The following NXPH1 variants were observed in gnomAD, a reference collection of about 807,000 sequenced individuals.
The protein encoded by NXPH1 is neurexophilin 1, also known as neurexophilin-1.
In NXPH1, 5 loss-of-function variants were observed where a neutral mutation model predicts 23.7. The observed-to-expected ratio is 0.21, with a 90% CI of 0.11 to 0.44. The LOEUF (loss-of-function observed/expected upper bound fraction) is 0.44. Among genes scored for constraint, NXPH1 ranks in the 20% least tolerant of loss-of-function variants. The pLI is 0.99. For missense variants in NXPH1, 324 were observed against 321.6 expected (o/e 1.01, Z -0.06); for synonymous variants, 144 against 122.2 (o/e 1.18, Z -1.18).
At chr7:8,533,279 G>A (rs1208130594) in intron 2 of NXPH1, among the ~76,000 whole-genome samples, 2 of 152,074 alleles carry the variant, frequency 1.3e-5, no homozygotes, top group African/African-American at 4.8e-5. Flanking sequence ...CAATACTGAA[G>A]TTGTCTTCCT....
intron 2 of NXPH1, among the ~76,000 whole-genome samples, chr7:8,583,166 G>A (rs1422336726): frequency 2.6e-5 from 4 of 152,202 alleles, no homozygotes; most frequent in Non-Finnish European, 5.9e-5. Context: ...GATATAATGA[G>A]GACTCCCATC....
At chr7:8,614,922 A>G (rs1819703024) in intron 2 of NXPH1, among the ~76,000 whole-genome samples, 1 of 152,106 alleles carries the variant, frequency 6.6e-6, no homozygotes, top group Admixed American at 6.6e-5. Context: ...TTGTTAATAT[A>G]TTAAACAAGC....
chr7:8,465,283 T>C (rs1816766876), intron 2 of NXPH1, among the ~76,000 whole-genome samples: 1 of 152,236 alleles, frequency 6.6e-6, no homozygotes, highest in Non-Finnish European at 1.5e-5. Context: ...GAATTTCTGT[T>C]ATAGCCCCCT....
intron 2 of NXPH1, among the ~76,000 whole-genome samples, chr7:8,636,903 G>T (rs1477379521): frequency 6.6e-6 from 1 of 152,182 alleles, no homozygotes; most frequent in Non-Finnish European, 1.5e-5. Flanking sequence ...ATAATTGAAG[G>T]TTCAGTAACA....
chr7:8,673,783 T>G (rs1423791809), intron 2 of NXPH1, among the ~76,000 whole-genome samples: 1 of 152,156 alleles, frequency 6.6e-6, no homozygotes, highest in African/African-American at 2.4e-5. Context: ...GCTATCATTA[T>G]TAGTAGTAGT....
intron 2 of NXPH1, among the ~76,000 whole-genome samples, chr7:8,661,435 C>T (rs1168775887): frequency 1.3e-5 from 2 of 152,098 alleles, no homozygotes; most frequent in East Asian, 3.8e-4. Flanking sequence ...TTGTCCGACC[C>T]ACCTTATTTT....
Position 8,710,039 on chromosome 7 carries a change from T to A in NXPH1, c.55-40969T>A, listed in dbSNP as rs77057583. On this transcript the variant is annotated intron_variant, in intron 2 of 2. Transcript: ENST00000405863. ...GGGCATAAATTAATCACTGCAGGGG[T>A]CAGAAAAGAATCTCCTTTGCCCTAT... is the stretch of plus-strand genomic sequence containing the variant. Among the ~76,000 whole-genome samples the A allele has an allele frequency of 4.7e-4, 72 of 152,246 alleles. No individual in the cohort carries two copies. In the East Asian group the frequency reaches 0.014, roughly 29 times the overall value.
chr7:8,735,128 T>C (rs781518136), intron 2 of NXPH1, among the ~76,000 whole-genome samples: 5 of 152,176 alleles, frequency 3.3e-5, no homozygotes, highest in Non-Finnish European at 7.4e-5. Flanking sequence ...TTGAATTTCC[T>C]TTCTTTCTTT....
intron 2 of NXPH1, among the ~76,000 whole-genome samples, chr7:8,719,146 A>T (rs928982448): frequency 6.6e-6 from 1 of 152,240 alleles, no homozygotes; most frequent in Non-Finnish European, 1.5e-5. Context: ...TAAAAATTTA[A>T]TTATTCATTT....
intron 2 of NXPH1, among the ~76,000 whole-genome samples, chr7:8,744,253 G>GA (rs1390899706): frequency 2.0e-5 from 3 of 152,142 alleles, no homozygotes; most frequent in African/African-American, 7.2e-5. Context: ...CAAATTTGTG[G>GA]AAATGGTATC....
In NXPH1 at chr7:8,523,183, G is replaced by A. The variant is rs149065361; in HGVS notation, c.54+87416G>A. On this transcript the variant is annotated intron_variant, in intron 2 of 2. Coordinates refer to ENST00000405863, the MANE Select transcript of NXPH1 (RefSeq NM_152745.3). ...TCCAGTACTTCCTTTGACTGCACTG[G>A]ACCTGACTGAGGTCCATCTCAAGCC... 4.3e-3 allele frequency among the ~76,000 whole-genome samples: 654 copies of A among 152,242 alleles called. 7 individuals carry two copies. Among genetic ancestry groups the A allele is most frequent in the African/African-American group, 0.015 (630 of 41,534 alleles).
intron 2 of NXPH1, among the ~76,000 whole-genome samples, chr7:8,629,464 A>C (rs1031257787): frequency 1.3e-5 from 2 of 152,160 alleles, no homozygotes; most frequent in African/African-American, 4.8e-5. Context: ...ATAATGACTT[A>C]CATGCAGTTG....
chr7:8,503,514 C>A (rs1485064773), intron 2 of NXPH1, among the ~76,000 whole-genome samples: 3 of 151,986 alleles, frequency 2.0e-5, no homozygotes, highest in Non-Finnish European at 2.9e-5. Context: ...AACTATTTAG[C>A]ACAAAGTTTT....
chr7:8,539,035 G>A (rs139426930), intron 2 of NXPH1, among the ~76,000 whole-genome samples: 8 of 152,020 alleles, frequency 5.3e-5, no homozygotes, highest in African/African-American at 1.9e-4. Flanking sequence ...TAAAAGAAAT[G>A]TCATCATTGG....
chr7:8,496,068 G>A (rs1817333155), intron 2 of NXPH1, among the ~76,000 whole-genome samples: 1 of 151,986 alleles, frequency 6.6e-6, no homozygotes, highest in Non-Finnish European at 1.5e-5. Flanking sequence ...TAGTTTGAAT[G>A]AAGTTATATC....
chr7:8,510,288 CTAA>C (rs1314662382), intron 2 of NXPH1, among the ~76,000 whole-genome samples: 1 of 152,082 alleles, frequency 6.6e-6, no homozygotes, highest in Non-Finnish European at 1.5e-5. Flanking sequence ...TTAGTAATTA[CTAA>C]TGTTTATCAT....
At chr7:8,680,419 A>G (rs996595940) in intron 2 of NXPH1, among the ~76,000 whole-genome samples, 9 of 152,226 alleles carry the variant, frequency 5.9e-5, no homozygotes, top group African/African-American at 2.2e-4. Flanking sequence ...TGTTCTTCCA[A>G]GCCATATAAC....
chr7:8,572,259 C>A (rs1156777844), intron 2 of NXPH1, among the ~76,000 whole-genome samples: 2 of 151,750 alleles, frequency 1.3e-5, no homozygotes, highest in African/African-American at 2.4e-5. Context: ...ATATATATTG[C>A]AGATATAATG....
chr7:8,519,347 G>A, intron 2 of NXPH1, among the ~76,000 whole-genome samples: 1 of 152,238 alleles, frequency 6.6e-6, no homozygotes, highest in East Asian at 1.9e-4. Context: ...TAAAAGAACT[G>A]AGTAATATAT....
Sources: gnomAD v4.1 joint callset for allele counts (sites outside exome capture counted in the v4.1 genomes callset) on GRCh38, gnomAD v4.1.1 for gene constraint, MANE v1.5 for transcripts, NCBI Gene and HGNC (gene_info 2026-07-23, HGNC 2026-07-21) for gene names.